Variants in DST observed in about 807,000 individuals in gnomAD.
The protein encoded by DST is bullous pemphigoid antigen.
DST carries 253 observed loss-of-function variants against 875.2 expected under a neutral mutation model. That is an observed-to-expected ratio of 0.29 (90% CI 0.26 to 0.32). The LOEUF (loss-of-function observed/expected upper bound fraction) is 0.32. DST is among the 10% of genes least tolerant of loss of function. The pLI, the probability that DST is intolerant of heterozygous loss-of-function variation, is 1.00. For missense variants in DST, 8,287 were observed against 9,111.6 expected (o/e 0.91, Z 3.68); for synonymous variants, 3,124 against 3,197.1 (o/e 0.98, Z 0.77).
At chr6:56,484,557 A>G (rs1317511499) in intron 88 of DST, 2 of 152,192 alleles carry the variant, frequency 1.3e-5, no homozygotes, top group Admixed American at 6.5e-5. Context: ...GAATTTAAGT[A>G]GAGTGATGTA....
chr6:56,602,865 T>C lies in DST; in HGVS notation c.11307+17A>G. The C allele has an allele frequency of 6.7e-7, 1 of 1,481,944 alleles. No homozygotes were observed. Among genetic ancestry groups the C allele is most frequent in the Non-Finnish European group, 8.9e-7 (1 of 1,120,188 alleles). 91.8% of individuals were successfully genotyped at this position (1,481,944 alleles called of 1,614,324 possible). Reference sequence around the variant, plus strand: ...AGTTTTTGAAATATATTTTGTCATCTTTGTTTTGATACTTGCCTTGAGAAA... The same window carrying C: ...AGTTTTTGAAATATATTTTGTCATCCTTGTTTTGATACTTGCCTTGAGAAA... On this transcript the variant is annotated intron_variant, in intron 43 of 103. Coordinates refer to ENST00000680361, the MANE Select transcript of DST (RefSeq NM_001374736.1).
At position 56,498,009 on chromosome 6, in the gene DST, G is replaced by T. The variant is rs747978357; in HGVS notation, c.19941C>A (p.Ala6647=). The change falls in exon 81 of 104, where the codon GCC becomes GCA. Residue 6647 remains alanine (A), a synonymous_variant. Transcript: ENST00000680361. The stretch of plus-strand genomic sequence containing the variant: ...TTAGATCATTTCCTGCTTTATTAAC[G>T]GCTTCCACTGTGGACTGATGGGCTA... ...DVLAHQSTVE[A]VNKAGNDLIE... is the part of the protein sequence containing the mutation. The T allele has an allele frequency of 2.5e-5, 40 of 1,613,110 alleles. No individual in the cohort carries two copies. Among genetic ancestry groups the T allele is most frequent in the Non-Finnish European group, 3.4e-5 (40 of 1,179,506 alleles).
chr6:56,465,215 C>A (rs1479332352), intron 99 of DST, among the ~76,000 whole-genome samples: 2 of 152,102 alleles, frequency 1.3e-5, no homozygotes, highest in African/African-American at 4.8e-5. Context: ...GATGGTGACA[C>A]CATCACCAAA....
At chr6:56,625,972 T>TAA (rs76788667) in intron 34 of DST, among the ~76,000 whole-genome samples, 2,186 of 74,826 alleles carry the variant, frequency 0.029, 35 homozygotes, top group African/African-American at 0.075. Flanking sequence ...GTTTAAAAAG[T>TAA]AAAAAAAAAA....
At position 56,629,377 on chromosome 6, in the gene DST, C is replaced by A; in HGVS notation, c.4348G>T (p.Ala1450Ser). 1 of 1,613,712 alleles carries A rather than the reference C, an allele frequency of 6.2e-7. No individual in the cohort carries two copies. Among genetic ancestry groups the A allele is most frequent in the Non-Finnish European group, 8.5e-7 (1 of 1,179,772 alleles). The change falls in exon 32 of 104, where the codon GCT becomes TCT. Residue 1450 changes from alanine to serine, a missense_variant. Transcript: ENST00000680361. ...FHALEDELQK[A>S]KAISDEMFKT... ...AACATTTCATCACTGATGGCTTTAG[C>A]TTTCTGCAACTCATCCTCTAAGGCA...
chr6:56,469,019 G>T lies in DST; in HGVS notation c.22552-20C>A, dbSNP rs2094736153. 4 of 1,565,842 alleles carry T rather than the reference G, an allele frequency of 2.6e-6. No homozygotes were observed. Among genetic ancestry groups the T allele is most frequent in the Non-Finnish European group, 1.7e-6 (2 of 1,151,640 alleles). ...GAAGAACTGATAAAAATGAAAAATG[G>T]AAGAAAGACACAATTAGTTCAACAG... On this transcript the variant is annotated intron_variant, in intron 97 of 103. Transcript: ENST00000680361.
chr6:56,734,730 T>C (rs1690304939), intron 5 of DST, among the ~76,000 whole-genome samples: 1 of 152,330 alleles, frequency 6.6e-6, no homozygotes, highest in Non-Finnish European at 1.5e-5. Flanking sequence ...AACTGCTTCA[T>C]AGAGAAAGTT....
At chr6:56,780,139 G>C (rs978168708) in intron 4 of DST, among the ~76,000 whole-genome samples, 5 of 151,504 alleles carry the variant, frequency 3.3e-5, no homozygotes, top group Non-Finnish European at 7.4e-5. Flanking sequence ...TGGACATTTG[G>C]GTTGGTTCCA....
At chr6:56,824,978 A>G (rs1190800672) in intron 4 of DST, among the ~76,000 whole-genome samples, 2 of 152,174 alleles carry the variant, frequency 1.3e-5, no homozygotes, top group Non-Finnish European at 2.9e-5. Flanking sequence ...CTGCCCGGCC[A>G]CCACCTGGTC....
intron 5 of DST, among the ~76,000 whole-genome samples, chr6:56,728,152 T>C: frequency 6.6e-6 from 1 of 152,230 alleles, no homozygotes; most frequent in South Asian, 2.1e-4. Context: ...AATTACTGAA[T>C]AAAATTTTGG....
At chr6:56,897,296 GTT>G (rs34314335) in intron 3 of DST, among the ~76,000 whole-genome samples, 1 of 119,892 alleles carries the variant, frequency 8.3e-6, no homozygotes, top group East Asian at 2.7e-4. Context: ...ATACTAAGTG[GTT>G]TTTTTTTGGG....
chr6:56,602,184 GAAA>G (rs368700864), intron 43 of DST, among the ~76,000 whole-genome samples: 1 of 92,998 alleles, frequency 1.1e-5, no homozygotes, highest in South Asian at 3.3e-4. Flanking sequence ...TAAGAACTTA[GAAA>G]AAAAAAAAAA....
intron 32 of DST, among the ~76,000 whole-genome samples, chr6:56,628,523 C>T (rs893078573): frequency 6.6e-6 from 1 of 152,144 alleles, no homozygotes; most frequent in East Asian, 1.9e-4. Flanking sequence ...TTTGAAATAA[C>T]GATAAGGTAG....
chr6:56,597,204 C>T (rs757048390), intron 47 of DST, among the ~76,000 whole-genome samples: 6 of 150,882 alleles, frequency 4.0e-5, no homozygotes, highest in Non-Finnish European at 8.8e-5. Context: ...TGTTTCACTG[C>T]ACTCTAACCT....
At position 56,605,882 on chromosome 6, in the gene DST, C is replaced by G. The variant is rs770454929; in HGVS notation, c.8746G>C (p.Val2916Leu). 1 of 1,612,494 alleles carries G rather than the reference C, an allele frequency of 6.2e-7. No individual in the cohort carries two copies. Among genetic ancestry groups the G allele is most frequent in the Non-Finnish European group, 8.5e-7 (1 of 1,179,284 alleles). ...ATAGGCGGCAATACATCCTTAAGTACCATCTCATGGTTCAACAGATTTTCT... is the reference window on the plus strand; with the variant it reads ...ATAGGCGGCAATACATCCTTAAGTAGCATCTCATGGTTCAACAGATTTTCT... ...SKENLLNHEM[V>L]LKDVLPPIIK... Residue 2916 changes from valine to leucine, a missense_variant, in exon 40 of 104, where the codon GTA becomes CTA. This residue lies in a region of DST where 3,138 missense variants were observed against 3,116.6 expected (regional missense o/e 1.01). Coordinates refer to ENST00000680361, the MANE Select transcript of DST (RefSeq NM_001374736.1).
chr6:56,528,664 A>C (rs1363123362), intron 67 of DST, among the ~76,000 whole-genome samples, 177 bp downstream of exon 67: 2 of 152,228 alleles, frequency 1.3e-5, no homozygotes, highest in Non-Finnish European at 2.9e-5. Context: ...TCATGAGAAA[A>C]AAGTGAGATC....
intron 2 of DST, among the ~76,000 whole-genome samples, chr6:56,901,535 C>T (rs1794092379): frequency 6.6e-6 from 1 of 152,162 alleles, no homozygotes; most frequent in Non-Finnish European, 1.5e-5. Flanking sequence ...GCAGAGGTTG[C>T]AGTGAGCCAA....
intron 3 of DST, among the ~76,000 whole-genome samples, chr6:56,883,613 G>A (rs960006359): frequency 4.6e-5 from 7 of 152,094 alleles, no homozygotes; most frequent in African/African-American, 1.7e-4. Context: ...GTAAAGGTTT[G>A]TTTCTTTCTC....
At position 56,498,039 on chromosome 6, in the gene DST, A is replaced by T; in HGVS notation, c.19911T>A (p.Asp6637Glu). ...CCACTGTGGACTGATGGGCTAATAC[A>T]TCATTTTGGAGCACCTGAAAATATA... ...ELAKHHVLQNDVLAHQSTVEA... is the reference protein window; with the variant it reads ...ELAKHHVLQNEVLAHQSTVEA... Residue 6637 changes from aspartate to glutamate, a missense_variant, in exon 81 of 104, where the codon GAT becomes GAA. Physicochemically the swap from Asp to Glu is conservative, Grantham distance 45. Coordinates refer to ENST00000680361, the MANE Select transcript of DST (RefSeq NM_001374736.1). 1.2e-6 allele frequency: 2 copies of T among 1,611,404 alleles called. No homozygotes were observed. The highest frequency in any genetic ancestry group is 2.7e-5 in the African/African-American group (2 of 74,938).
Sources: gnomAD v4.1 joint callset for allele counts (sites outside exome capture counted in the v4.1 genomes callset) on GRCh38, gnomAD v4.1.1 for gene constraint, gnomAD v4.1.1 regional missense constraint, MANE v1.5 for transcripts, NCBI Gene and HGNC (gene_info 2026-07-23, HGNC 2026-07-21) for gene names.